DIP2C: variants seen among roughly 807,000 people sequenced by gnomAD.
The protein encoded by DIP2C is disco-interacting protein 2 homolog C.
A neutral mutation model predicts 192.4 loss-of-function variants in DIP2C; 33 were observed. The ratio of observed to expected loss-of-function variants is 0.17; its 90% CI spans 0.13 to 0.23. The LOEUF (loss-of-function observed/expected upper bound fraction) is 0.23. Among genes scored for constraint, DIP2C ranks in the 10% least tolerant of loss-of-function variants. DIP2C has a pLI of 1.00. For missense variants in DIP2C, 1,537 were observed against 2,110.1 expected, an observed-to-expected ratio of 0.73 and a Z score of 5.32; for synonymous variants, 979 against 864.1, an observed-to-expected ratio of 1.13 and a Z score of -2.33.
chr10:326,605 G>T (rs1307565369), intron 31 of DIP2C, among the ~76,000 whole-genome samples: 1 of 152,248 alleles, frequency 6.6e-6, no homozygotes, highest in Non-Finnish European at 1.5e-5. Flanking sequence ...CATTGCAGCA[G>T]CAAATCCCAG....
chr10:362,150 C>A (rs1389852250), intron 22 of DIP2C, among the ~76,000 whole-genome samples: 3 of 152,076 alleles, frequency 2.0e-5, no homozygotes, highest in Non-Finnish European at 2.9e-5. Flanking sequence ...AATGAAAGAG[C>A]AACCATACGT....
At chr10:433,647 C>T in intron 4 of DIP2C, among the ~76,000 whole-genome samples, 1 of 152,174 alleles carries the variant, frequency 6.6e-6, no homozygotes, top group South Asian at 2.1e-4. Flanking sequence ...GGCTATTGCA[C>T]TCCAGCCTGG....
At chr10:339,950 G>A (rs574769395) in intron 29 of DIP2C, among the ~76,000 whole-genome samples, 1 of 152,250 alleles carries the variant, frequency 6.6e-6, no homozygotes, top group East Asian at 1.9e-4. Flanking sequence ...CGAGGGCGAG[G>A]CGGGCAGATC....
At chr10:496,557 A>C (rs1294419225) in intron 1 of DIP2C, among the ~76,000 whole-genome samples, 1 of 146,808 alleles carries the variant, frequency 6.8e-6, no homozygotes, top group African/African-American at 2.6e-5. Context: ...GTGAGTGCTG[A>C]GTACACACAA....
At chr10:591,878 C>T (rs922555910) in intron 1 of DIP2C, among the ~76,000 whole-genome samples, 4 of 152,204 alleles carry the variant, frequency 2.6e-5, no homozygotes, top group South Asian at 4.1e-4. Flanking sequence ...GGGAAGACAG[C>T]GGCGGCCTGA....
chr10:296,578 C>A (rs1390137910), intron 32 of DIP2C, among the ~76,000 whole-genome samples: 1 of 151,930 alleles, frequency 6.6e-6, no homozygotes, highest in Non-Finnish European at 1.5e-5. Context: ...GCTATAAAGA[C>A]ACATCCACAC....
intron 4 of DIP2C, 106 bp downstream of exon 4, chr10:440,765 T>G: frequency 6.8e-7 from 1 of 1,473,592 alleles, no homozygotes; most frequent in East Asian, 2.3e-5. Flanking sequence ...AAAATCTGCA[T>G]TACTGCTTCA....
At chr10:478,663 G>C (rs937728544) in intron 2 of DIP2C, among the ~76,000 whole-genome samples, 5 of 151,430 alleles carry the variant, frequency 3.3e-5, no homozygotes, top group Admixed American at 6.6e-5. Flanking sequence ...GGGCATGCTA[G>C]GGGTGTAGAC....
chr10:286,203 G>T, intron 34 of DIP2C, 70 bp downstream of exon 34: 1 of 1,455,348 alleles, frequency 6.9e-7, no homozygotes, highest in Non-Finnish European at 9.6e-7. Context: ...GAGCAGTTCT[G>T]ATGGTGTCAA....
chr10:450,353 C>CT (rs1335282112), intron 3 of DIP2C, among the ~76,000 whole-genome samples: 1 of 152,192 alleles, frequency 6.6e-6, no homozygotes, highest in Non-Finnish European at 1.5e-5. Context: ...GATCTGGCAC[C>CT]TTGACTCACT....
intron 3 of DIP2C, among the ~76,000 whole-genome samples, chr10:471,787 C>T (rs1356278177): frequency 6.6e-6 from 1 of 152,174 alleles, no homozygotes; most frequent in Non-Finnish European, 1.5e-5. Flanking sequence ...GAGTTTTGCT[C>T]TGTTGCCCAG....
intron 1 of DIP2C, among the ~76,000 whole-genome samples, chr10:584,423 C>A (rs532222294): frequency 1.3e-5 from 2 of 150,944 alleles, no homozygotes; most frequent in African/African-American, 4.9e-5. Context: ...ATCTCGGGGC[C>A]CACAACCTGA....
At position 542,309 on chromosome 10, in the gene DIP2C, G is replaced by T. The variant is rs530872699; in HGVS notation, c.86-55779C>A. On this transcript the variant is annotated intron_variant, in intron 1 of 36. Transcript: ENST00000280886. Reference sequence around the variant, plus strand: ...GAAAGCATGGTGCAGTGCCCAGAACGTCATGTCCCTCAACAGATGCTCTAT... The same window carrying T: ...GAAAGCATGGTGCAGTGCCCAGAACTTCATGTCCCTCAACAGATGCTCTAT... Among the ~76,000 whole-genome samples, 6 of 152,326 alleles carry T rather than the reference G, an allele frequency of 3.9e-5. No individual in the cohort carries two copies. The East Asian group carries it at 7.7e-4, about 20-fold the overall frequency.
Position 448,643 on chromosome 10 carries a change from A to G in DIP2C, c.269-7647T>C, listed in dbSNP as rs530231183. Among the ~76,000 whole-genome samples the G allele has an allele frequency of 2.5e-4, 29 of 118,170 alleles. 2 individuals carry two copies. The highest frequency in any genetic ancestry group is 1.3e-3 in the African/African-American group (29 of 21,816). The allele number at this position is 118,170 out of a possible 152,430, so 77.5% of individuals were successfully genotyped here. A position where few individuals can be genotyped will look rare whatever the true frequency, so the allele number is the denominator to read the frequency against. On this transcript the variant is annotated intron_variant, in intron 3 of 36. Coordinates refer to ENST00000280886, the MANE Select transcript of DIP2C (RefSeq NM_014974.3). Reference sequence around the variant, plus strand: ...CCCGTCGATACTCAGGATCACACACAGTGGGGCAAGCAGGACCCACTCACC... The same window carrying G: ...CCCGTCGATACTCAGGATCACACACGGTGGGGCAAGCAGGACCCACTCACC...
intron 1 of DIP2C, among the ~76,000 whole-genome samples, chr10:490,408 G>A (rs985119527): frequency 2.0e-5 from 3 of 152,300 alleles, no homozygotes; most frequent in East Asian, 3.9e-4. Context: ...CTGTTATCCC[G>A]CTAGGCGTAT....
At chr10:615,249 T>C (rs1163512862) in intron 1 of DIP2C, among the ~76,000 whole-genome samples, 2 of 152,154 alleles carry the variant, frequency 1.3e-5, no homozygotes, top group East Asian at 1.9e-4. Context: ...TCTGTTTCCC[T>C]GTAGGAAAAT....
At chr10:378,907 G>A (rs946663783) in intron 17 of DIP2C, among the ~76,000 whole-genome samples, 6 of 152,184 alleles carry the variant, frequency 3.9e-5, no homozygotes, top group Non-Finnish European at 7.3e-5. Flanking sequence ...ATAAAGACAC[G>A]GACACAGACA....
intron 1 of DIP2C, among the ~76,000 whole-genome samples, chr10:606,757 A>C (rs1852516012): frequency 1.3e-5 from 2 of 152,180 alleles, no homozygotes; most frequent in African/African-American, 4.8e-5. Flanking sequence ...CTCTTAAAGA[A>C]CGTTTCTATA....
intron 14 of DIP2C, among the ~76,000 whole-genome samples, chr10:387,025 G>A (rs543010833): frequency 5.9e-5 from 9 of 152,144 alleles, no homozygotes; most frequent in Non-Finnish European, 1.0e-4. Context: ...ATCCTCAAGG[G>A]CAAATCTGGA....
Sources: allele counts gnomAD v4.1 joint callset (sites outside exome capture counted in the v4.1 genomes callset), GRCh38; gene constraint gnomAD v4.1.1; transcripts MANE v1.5; gene names NCBI Gene and HGNC (gene_info 2026-07-23, HGNC 2026-07-21).